AHI1: variants seen among roughly 807,000 people sequenced by gnomAD.
AHI1 encodes jouberin.
AHI1 carries 123 observed loss-of-function variants against 149.3 expected under a neutral mutation model. The observed-to-expected ratio is 0.82, with a 90% confidence interval of 0.71 to 0.96. AHI1 has a LOEUF of 0.96. Among genes scored for constraint, AHI1 ranks in the 40% least tolerant of loss-of-function variants. The pLI is 0.00. For missense variants in AHI1, 1,439 were observed against 1,422.7 expected (o/e 1.01, Z -0.18); for synonymous variants, 475 against 459.8 (o/e 1.03, Z -0.42).
chr6:135,312,212 A>C (rs984156764), intron 26 of AHI1, among the ~76,000 whole-genome samples: 13 of 152,138 alleles, frequency 8.5e-5, no homozygotes, highest in Non-Finnish European at 1.6e-4. Flanking sequence ...CAATGAAACA[A>C]ATACCAAACA....
intron 23 of AHI1, among the ~76,000 whole-genome samples, chr6:135,378,646 CAAT>C (rs1248244724): frequency 6.6e-6 from 1 of 152,078 alleles, no homozygotes; most frequent in East Asian, 1.9e-4. Context: ...ATTATTTTAA[CAAT>C]AATGTTATAG....
chr6:135,455,971 T>C (rs1034105066), intron 9 of AHI1, 45 bp from the exon 10 acceptor site: 1 of 1,297,022 alleles, frequency 7.7e-7, no homozygotes, highest in African/African-American at 1.5e-5. Context: ...TTCATAATTT[T>C]GAGGTGAGAA....
chr6:135,295,488 T>C (rs1782968721), intron 27 of AHI1, among the ~76,000 whole-genome samples: 1 of 152,190 alleles, frequency 6.6e-6, no homozygotes, highest in Non-Finnish European at 1.5e-5. Flanking sequence ...AAAACCCCTA[T>C]GTTCACACAA....
intron 23 of AHI1, among the ~76,000 whole-genome samples, chr6:135,369,482 T>G (rs1191188599): frequency 6.6e-6 from 1 of 152,264 alleles, no homozygotes; most frequent in Non-Finnish European, 1.5e-5. Flanking sequence ...TAAATGCTGA[T>G]GACTGCTTCT....
chr6:135,428,608 TA>T lies in AHI1; in HGVS notation c.2623+20del. On this transcript the variant is annotated intron_variant, in intron 19 of 28. Coordinates refer to ENST00000265602, the MANE Select transcript of AHI1 (RefSeq NM_001134831.2). ...CCCCTGTACCTCCCCAAATGATTTT[TA>T]AAGTTCAATAAACATTCACCTGTTT... 6.3e-7 allele frequency: 1 copy of T among 1,587,980 alleles called. No homozygotes were observed.
chr6:135,387,389 C>G (rs977350793), intron 23 of AHI1, among the ~76,000 whole-genome samples: 1 of 152,172 alleles, frequency 6.6e-6, no homozygotes, highest in African/African-American at 2.4e-5. Context: ...CAACCGAACC[C>G]ATGCCCTGTA....
At chr6:135,326,725 C>T (rs1787759092) in intron 24 of AHI1, among the ~76,000 whole-genome samples, 1 of 151,538 alleles carries the variant, frequency 6.6e-6, no homozygotes, top group East Asian at 2.0e-4. Flanking sequence ...CATGCTCAGC[C>T]AATTTTTGTA....
In AHI1 at chr6:135,390,851, T is replaced by A. The variant is rs113876921; in HGVS notation, c.3109+3925A>T. On this transcript the variant is annotated intron_variant, in intron 23 of 28. Coordinates refer to ENST00000265602, the MANE Select transcript of AHI1 (RefSeq NM_001134831.2). ...TATGAAAGCACTTTATAAATTTTCA[T>A]ACAAATGCAAGTTGCTGTTATTGTT... 9.3e-3 allele frequency among the ~76,000 whole-genome samples: 1,413 copies of A among 152,330 alleles called. 19 individuals are homozygous for A. The highest frequency in any genetic ancestry group is 0.032 in the African/African-American group (1,319 of 41,574).
rs1278543069 is a variant in AHI1 at position 135,306,840 on chromosome 6, TGA to T, written c.3427-6284_3427-6283del. 5 of 152,230 alleles carry T rather than the reference TGA, an allele frequency of 3.3e-5. No individual in the cohort carries two copies. The South Asian group carries it at 6.2e-4, about 19-fold the overall frequency. 9.4% of individuals were successfully genotyped at this position (152,230 alleles called of 1,614,324 possible). A position where few individuals can be genotyped will look rare whatever the true frequency, so the allele number is the denominator to read the frequency against. On this transcript the variant is annotated intron_variant, in intron 26 of 28. Coordinates refer to ENST00000265602, the MANE Select transcript of AHI1 (RefSeq NM_001134831.2). Reference sequence around the variant, plus strand: ...ATCCTGCTTTTATTTCCTAGTGGTCTGAGAGGCCCGGTTTGAGAAGAATGAAA... The same window carrying T: ...ATCCTGCTTTTATTTCCTAGTGGTCTGAGGCCCGGTTTGAGAAGAATGAAA...
chr6:135,368,184 G>A (rs555611687), intron 23 of AHI1, among the ~76,000 whole-genome samples: 5 of 152,304 alleles, frequency 3.3e-5, no homozygotes, highest in African/African-American at 9.6e-5. Context: ...AGAGTCTGGT[G>A]ATGTGATCCG....
Position 135,284,494 on chromosome 6 carries a change from AAG to A in AHI1, c.*1149_*1150del, listed in dbSNP as rs1286009221. On this transcript the variant is annotated 3_prime_UTR_variant, in exon 29 of 29. Coordinates refer to ENST00000265602, the MANE Select transcript of AHI1 (RefSeq NM_001134831.2). Reference sequence around the variant, plus strand: ...TTATCACACACTTGAGAAAGGAGTCAAGAAAAGAACAAAAAATGAATATCCCA... The same window carrying A: ...TTATCACACACTTGAGAAAGGAGTCAAAAAGAACAAAAAATGAATATCCCA... The A allele has an allele frequency of 2.0e-5, 3 of 152,330 alleles. No homozygotes were observed. Among genetic ancestry groups the A allele is most frequent in the African/African-American group, 7.2e-5 (3 of 41,578 alleles). The allele number at this position is 152,330 out of a possible 1,614,324, so 9.4% of individuals were successfully genotyped here.
intron 26 of AHI1, among the ~76,000 whole-genome samples, chr6:135,316,405 T>C (rs886445138): frequency 1.3e-5 from 2 of 152,102 alleles, no homozygotes; most frequent in African/African-American, 2.4e-5. Context: ...TGAGGCCTCA[T>C]TCCACCTTTA....
chr6:135,383,248 G>C (rs868069151), intron 23 of AHI1, among the ~76,000 whole-genome samples: 1 of 5,232 alleles, frequency 1.9e-4, no homozygotes, highest in Non-Finnish European at 3.1e-4. Context: ...TTTTTTTTTT[G>C]AGACAGGGTC....
intron 24 of AHI1, among the ~76,000 whole-genome samples, chr6:135,342,946 A>G (rs573323293): frequency 2.6e-5 from 4 of 151,750 alleles, no homozygotes; most frequent in Non-Finnish European, 4.4e-5. Flanking sequence ...AAATTAGGCA[A>G]GAAAAAAAAA....
chr6:135,359,156 C>T (rs886421719), intron 23 of AHI1, among the ~76,000 whole-genome samples: 3 of 152,166 alleles, frequency 2.0e-5, no homozygotes, highest in East Asian at 1.9e-4. Flanking sequence ...CACTTTTTAT[C>T]GCTTTGCAAG....
Position 135,358,197 on chromosome 6 carries a change from G to T in AHI1, c.3110-10C>A, listed in dbSNP as rs766567699. On this transcript the variant is annotated splice_polypyrimidine_tract_variant and intron_variant, in intron 23 of 28. Transcript: ENST00000265602. ...TCTATGCTGATAATCCCTGTGGAAAGAAAACATTGTGAGTATTTGGTTATT... is the reference window on the plus strand; with the variant it reads ...TCTATGCTGATAATCCCTGTGGAAATAAAACATTGTGAGTATTTGGTTATT... The T allele has an allele frequency of 1.2e-6, 2 of 1,609,904 alleles. No homozygotes were observed. The highest frequency in any genetic ancestry group is 1.7e-6 in the Non-Finnish European group (2 of 1,178,032).
intron 23 of AHI1, among the ~76,000 whole-genome samples, chr6:135,390,637 G>C (rs1438193426): frequency 6.6e-6 from 1 of 151,990 alleles, no homozygotes; most frequent in Non-Finnish European, 1.5e-5. Flanking sequence ...GAAGTACTGA[G>C]CTAGACATGA....
chr6:135,405,880 AAAAAAGAAAAAG>A (rs925330685), intron 21 of AHI1, among the ~76,000 whole-genome samples: 10 of 150,866 alleles, frequency 6.6e-5, no homozygotes, highest in Admixed American at 1.3e-4. Context: ...AAAAAGAAAA[AAAAAAGAAAAAG>A]AAAAAGAAAA....
chr6:135,447,911 C>T (rs1325823993), intron 12 of AHI1, among the ~76,000 whole-genome samples: 1 of 152,144 alleles, frequency 6.6e-6, no homozygotes, highest in Non-Finnish European at 1.5e-5. Context: ...CAGTTATGGC[C>T]TACATATGTC....
Sources: allele counts gnomAD v4.1 joint callset (sites outside exome capture counted in the v4.1 genomes callset), GRCh38; gene constraint gnomAD v4.1.1; transcripts MANE v1.5; gene names NCBI Gene and HGNC (gene_info 2026-07-23, HGNC 2026-07-21).